Variants in SPTLC1 observed in about 807,000 individuals in gnomAD.
SPTLC1 encodes the protein serine palmitoyltransferase long chain base subunit 1.
In SPTLC1, 55 loss-of-function variants were observed where a neutral mutation model predicts 68.9. The ratio of observed to expected loss-of-function variants is 0.80; its 90% CI spans 0.64 to 1.00. SPTLC1 has a LOEUF of 1.00. Ranked by LOEUF, SPTLC1 falls within the 50% of genes least tolerant of loss-of-function variation. The pLI, the probability that SPTLC1 is intolerant of heterozygous loss-of-function variation, is 0.00. For synonymous variants in SPTLC1, 197 were observed against 201.6 expected, an observed-to-expected ratio of 0.98 and a Z score of 0.19; for missense variants, 449 against 573.1, an observed-to-expected ratio of 0.78 and a Z score of 2.21.
chr9:92,112,703 C>A, intron 1 of SPTLC1, 141 bp from the exon 2 acceptor site: 1 of 609,808 alleles, frequency 1.6e-6, no homozygotes, highest in Non-Finnish European at 2.9e-6. Flanking sequence ...CCCTTAATTT[C>A]TATTCATTCC....
chr9:92,056,558 A>G (rs1025025927), intron 7 of SPTLC1, among the ~76,000 whole-genome samples: 1 of 151,756 alleles, frequency 6.6e-6, no homozygotes, highest in African/African-American at 2.4e-5. Context: ...ACCTTCACAC[A>G]CTCTGCTCAG....
intron 3 of SPTLC1, among the ~76,000 whole-genome samples, chr9:92,106,147 G>C (rs12347966): frequency 0.11 from 16,306 of 152,172 alleles, 1,887 homozygotes; most frequent in African/African-American, 0.3. Flanking sequence ...AGTGAGGAGC[G>C]TCTCTGCCCG....
chr9:92,034,116 A>C (rs1833062448), intron 14 of SPTLC1, among the ~76,000 whole-genome samples: 1 of 152,222 alleles, frequency 6.6e-6, no homozygotes, highest in South Asian at 2.1e-4. Context: ...CGATGCCCAC[A>C]GGATGCCCGA....
chr9:92,062,324 C>T (rs941684295), intron 6 of SPTLC1, among the ~76,000 whole-genome samples: 1 of 152,158 alleles, frequency 6.6e-6, no homozygotes, highest in East Asian at 1.9e-4. Context: ...ACTTAGTAAT[C>T]CTAAATATGA....
chr9:92,091,464 T>C (rs147915175), intron 3 of SPTLC1, among the ~76,000 whole-genome samples: 62 of 152,228 alleles, frequency 4.1e-4, no homozygotes, highest in Non-Finnish European at 8.1e-4. Flanking sequence ...CCAAGATGCC[T>C]AGGAAGAATT....
intron 12 of SPTLC1, 38 bp from the exon 13 acceptor site, chr9:92,038,403 T>A (rs1833222772): frequency 3.0e-6 from 4 of 1,355,010 alleles, no homozygotes; most frequent in Non-Finnish European, 4.2e-6. Flanking sequence ...GTAAGTCCCT[T>A]CCAGGCTTGA....
chr9:92,068,683 T>C (rs927306193), intron 5 of SPTLC1, among the ~76,000 whole-genome samples: 10 of 152,338 alleles, frequency 6.6e-5, no homozygotes, highest in African/African-American at 1.7e-4. Context: ...AGTCCTTTTA[T>C]AGATGCACTG....
At position 92,081,350 on chromosome 9, in the gene SPTLC1, T is replaced by C. The variant is rs572134871; in HGVS notation, c.261-387A>G. ...TATAAAATAAGATCAAAGGCAAGAA[T>C]AGGCAGAGTGAGTTATGATCTTGCA... On this transcript the variant is annotated intron_variant, in intron 3 of 14. Transcript: ENST00000262554. Among the ~76,000 whole-genome samples the C allele has an allele frequency of 2.0e-4, 31 of 152,294 alleles. No individual in the cohort carries two copies. The South Asian group carries it at 4.4e-3, about 21-fold the overall frequency.
intron 6 of SPTLC1, among the ~76,000 whole-genome samples, chr9:92,060,912 C>CAAA (rs200973343): frequency 3.8e-5 from 4 of 104,894 alleles, no homozygotes; most frequent in Non-Finnish European, 4.1e-5. Flanking sequence ...GACTCTGTCT[C>CAAA]AAAAAAAAAA....
chr9:92,099,369 G>A (rs1048496970), intron 3 of SPTLC1, among the ~76,000 whole-genome samples: 3 of 152,158 alleles, frequency 2.0e-5, no homozygotes, highest in East Asian at 1.9e-4. Context: ...GTCTCAAATC[G>A]CCTACAATTA....
At chr9:92,108,951 G>A in intron 2 of SPTLC1, 117 bp from the exon 3 acceptor site, 1 of 1,491,928 alleles carries the variant, frequency 6.7e-7, no homozygotes. Context: ...CAAGTTCGCT[G>A]TCACTCTTAT....
chr9:92,058,769 T>C (rs1833983088), intron 7 of SPTLC1, among the ~76,000 whole-genome samples: 1 of 152,210 alleles, frequency 6.6e-6, no homozygotes, highest in Admixed American at 6.5e-5. Context: ...CTTGCTGCCA[T>C]TCTTTCCTCA....
intron 5 of SPTLC1, among the ~76,000 whole-genome samples, chr9:92,069,677 TTC>T (rs1224754698): frequency 6.6e-6 from 1 of 152,160 alleles, no homozygotes; most frequent in Non-Finnish European, 1.5e-5. Context: ...CTCATTACTG[TTC>T]TCTGAGCGCC....
In SPTLC1 at chr9:92,059,257, A is replaced by T. The variant is rs1458965119; in HGVS notation, c.612T>A (p.Ser204Arg). The T allele has an allele frequency of 6.2e-7, 1 of 1,614,124 alleles. No individual in the cohort carries two copies. Among genetic ancestry groups the T allele is most frequent in the South Asian group, 1.1e-5 (1 of 91,082 alleles). ...AIQKGLQASR[S>R]DIKLFKHNDM... ...CATTATGCTTAAATAACTTAATGTCACTACGGGATGCCTGTAATCCTTTCT... is the reference window on the plus strand; with the variant it reads ...CATTATGCTTAAATAACTTAATGTCTCTACGGGATGCCTGTAATCCTTTCT... The change falls in exon 7 of 15, where the codon AGT becomes AGA. Residue 204 changes from serine to arginine, a missense_variant. Transcript: ENST00000262554.
chr9:92,073,089 G>A (rs760892352), intron 5 of SPTLC1, among the ~76,000 whole-genome samples: 20 of 151,878 alleles, frequency 1.3e-4, no homozygotes, highest in Non-Finnish European at 2.1e-4. Context: ...CCCTGAAGCC[G>A]ACCCCCATGC....
rs1436450987 is a variant in SPTLC1 at position 92,084,204 on chromosome 9, T to C, written c.261-3241A>G. ...ATCTGCAAACAGGGACAATTTGACT[T>C]CCTCTTTTCCTAATTGAATACCCTT... On this transcript the variant is annotated intron_variant, in intron 3 of 14. Transcript: ENST00000262554. Among the ~76,000 whole-genome samples the C allele has an allele frequency of 2.6e-5, 4 of 151,008 alleles. No homozygotes were observed. The East Asian group carries it at 7.8e-4, about 29-fold the overall frequency.
chr9:92,058,621 C>G (rs1405260919), intron 7 of SPTLC1, among the ~76,000 whole-genome samples: 1 of 152,148 alleles, frequency 6.6e-6, no homozygotes, highest in Non-Finnish European at 1.5e-5. Context: ...CGAGAGGAAA[C>G]AGCTGAAAAC....
At chr9:92,108,613 T>C in intron 3 of SPTLC1, 127 bp downstream of exon 3, 1 of 1,346,074 alleles carries the variant, frequency 7.4e-7, no homozygotes. Context: ...GCTAAAGCTG[T>C]TACTCCTGGG....
chr9:92,062,092 A>T (rs1053317148), intron 6 of SPTLC1, among the ~76,000 whole-genome samples: 1 of 152,196 alleles, frequency 6.6e-6, no homozygotes, highest in Non-Finnish European at 1.5e-5. Context: ...TGTCTGTAAG[A>T]AACTCACTAC....
Sources: gnomAD v4.1 joint callset for allele counts (sites outside exome capture counted in the v4.1 genomes callset) on GRCh38, gnomAD v4.1.1 for gene constraint, MANE v1.5 for transcripts, NCBI Gene and HGNC (gene_info 2026-07-23, HGNC 2026-07-21) for gene names.